Variants in THOC5 observed in about 807,000 individuals in gnomAD.
THOC5 encodes the protein Fms-interacting protein.
THOC5 carries 43 observed loss-of-function variants against 92.9 expected under a neutral mutation model. The observed-to-expected ratio is 0.46, with a 90% CI of 0.36 to 0.60. THOC5 has a LOEUF of 0.60. Among genes scored for constraint, THOC5 ranks in the 20% least tolerant of loss-of-function variants. The probability of loss-of-function intolerance (pLI) is 0.00; values close to 1 mark genes in which losing one functional copy is unlikely to be tolerated. For synonymous variants in THOC5, 296 were observed against 320.1 expected (o/e 0.92, Z 0.80); for missense variants, 659 against 849.4 (o/e 0.78, Z 2.79).
rs765796771 is a variant in THOC5, at chr22:29,531,918, C to T, written c.760G>A (p.Ala254Thr). The stretch of plus-strand genomic sequence containing the variant: ...CTGGCTGTCTCATACTGCTTGTGAG[C>T]CTGGTCGAATGGCATAAACAGGTAC... ...QEYLFMPFDQ[A>T]HKQYETARHL... The change falls in exon 8 of 20, where the codon GCT becomes ACT. Residue 254 changes from alanine (A) to threonine (T), a missense_variant. Transcript: ENST00000490103. The T allele has an allele frequency of 3.7e-6, 6 of 1,614,070 alleles. No homozygotes were observed. The East Asian group carries it at 1.1e-4, about 30-fold the overall frequency.
At position 29,507,049 on chromosome 22, in the gene THOC5, T is replaced by C. The variant is rs2063146765; in HGVS notation, c.*1408A>G. 1 of 152,186 alleles carries C rather than the reference T, an allele frequency of 6.6e-6. No individual in the cohort carries two copies. Among genetic ancestry groups the C allele is most frequent in the African/African-American group, 2.4e-5 (1 of 41,432 alleles). 9.4% of individuals were successfully genotyped at this position (152,186 alleles called of 1,614,324 possible). On this transcript the variant is annotated 3_prime_UTR_variant, in exon 20 of 20. Coordinates refer to ENST00000490103, the MANE Select transcript of THOC5 (RefSeq NM_003678.5). ...ACACCTGGCTGATTTTTAAATTTTTTGTAGATACAGGGTCTCTCACTACGT... is the reference window on the plus strand; with the variant it reads ...ACACCTGGCTGATTTTTAAATTTTTCGTAGATACAGGGTCTCTCACTACGT...
At position 29,549,166 on chromosome 22, in the gene THOC5, G is replaced by C. The variant is rs753866616; in HGVS notation, c.-11-8C>G. 6.2e-7 allele frequency: 1 copy of C among 1,613,290 alleles called. No individual in the cohort carries two copies. The highest frequency in any genetic ancestry group is 2.2e-5 in the East Asian group (1 of 44,864). On this transcript the variant is annotated splice_region_variant and splice_polypyrimidine_tract_variant and intron_variant, in intron 1 of 19. Coordinates refer to ENST00000490103, the MANE Select transcript of THOC5 (RefSeq NM_003678.5). ...ATGACATGGTTGTTCCTCCTGTTAA[G>C]AGGAGAAAGTTTTTGAGATTCTTCT...
At position 29,549,043 on chromosome 22, in the gene THOC5, T is replaced by C; in HGVS notation, c.96+9A>G. 3 of 1,613,634 alleles carry C rather than the reference T, an allele frequency of 1.9e-6. No individual in the cohort carries two copies. The highest frequency in any genetic ancestry group is 1.7e-4 in the Middle Eastern group (1 of 6,054). On this transcript the variant is annotated intron_variant, in intron 2 of 19. Transcript: ENST00000490103. Reference sequence around the variant, plus strand: ...TTCTCAGCAGCATGGCAACCCTGACTGATCTCACCTGCTCGGTGTCAGATC... The same window carrying C: ...TTCTCAGCAGCATGGCAACCCTGACCGATCTCACCTGCTCGGTGTCAGATC...
intron 2 of THOC5, among the ~76,000 whole-genome samples, chr22:29,545,669 C>G (rs1436875736): frequency 1.3e-5 from 2 of 152,232 alleles, no homozygotes; most frequent in African/African-American, 4.8e-5. Context: ...GGTCTCACAT[C>G]CAGGTCAAGC....
intron 5 of THOC5, among the ~76,000 whole-genome samples, chr22:29,542,178 T>C (rs1278264857): frequency 6.6e-6 from 1 of 151,974 alleles, no homozygotes; most frequent in Non-Finnish European, 1.5e-5. Flanking sequence ...AGAAATGAAC[T>C]GCTGGGACTA....
At chr22:29,545,004 G>T in intron 2 of THOC5, 1 of 378,736 alleles carries the variant, frequency 2.6e-6, no homozygotes, top group Non-Finnish European at 5.1e-6. Flanking sequence ...CCATTTTCAC[G>T]CTGCCAATAA....
At chr22:29,548,733 C>T (rs1356785603) in intron 2 of THOC5, among the ~76,000 whole-genome samples, 1 of 152,182 alleles carries the variant, frequency 6.6e-6, no homozygotes, top group Non-Finnish European at 1.5e-5. Flanking sequence ...ATTCCTGAAG[C>T]TCCAGTGCCA....
Position 29,519,006 on chromosome 22 carries a change from C to T in THOC5, c.1489G>A (p.Glu497Lys). The change falls in exon 15 of 20, where the codon GAA (glutamate) becomes AAA (lysine). Residue 497 changes from glutamate to lysine, a missense_variant and splice_region_variant. Glu to Lys is a moderately conservative substitution (Grantham distance 56). Transcript: ENST00000490103. ...LALHKQFASLEHGIVPVTSDC... is the reference protein window; with the variant it reads ...LALHKQFASLKHGIVPVTSDC... ...AACCACTGCCCCATCATCAGCTTAC[C>T]TAGGGATGCAAACTGTTTGTGGAGG... 6.3e-7 allele frequency: 1 copy of T among 1,592,828 alleles called. No individual in the cohort carries two copies. Among genetic ancestry groups the T allele is most frequent in the Non-Finnish European group, 8.6e-7 (1 of 1,167,010 alleles).
intron 17 of THOC5, among the ~76,000 whole-genome samples, chr22:29,514,535 C>T (rs1489204402): frequency 2.0e-5 from 3 of 151,272 alleles, no homozygotes; most frequent in Non-Finnish European, 4.4e-5. Flanking sequence ...CCAGGATGGT[C>T]TCCATCTCCT....
intron 7 of THOC5, among the ~76,000 whole-genome samples, chr22:29,534,245 G>A (rs2063710068): frequency 6.6e-6 from 1 of 152,166 alleles, no homozygotes; most frequent in African/African-American, 2.4e-5. Flanking sequence ...ATGATGTTAA[G>A]ATGTCAAGAT....
chr22:29,540,597 A>C (rs1358026696), intron 5 of THOC5, among the ~76,000 whole-genome samples: 3 of 152,154 alleles, frequency 2.0e-5, no homozygotes, highest in Admixed American at 6.6e-5. Flanking sequence ...CGCAAGTTCC[A>C]CTGTATTCTG....
chr22:29,530,442 C>T (rs910099264), intron 8 of THOC5, among the ~76,000 whole-genome samples: 2 of 151,300 alleles, frequency 1.3e-5, no homozygotes, highest in Non-Finnish European at 2.9e-5. Flanking sequence ...ATTGCTTGAA[C>T]CTGGGAAGCA....
In THOC5 at chr22:29,543,517, A is replaced by G; in HGVS notation, c.266T>C (p.Ile89Thr). 1 of 1,613,966 alleles carries G rather than the reference A, an allele frequency of 6.2e-7. No individual in the cohort carries two copies. Among genetic ancestry groups the G allele is most frequent in the Middle Eastern group, 1.6e-4 (1 of 6,062 alleles). The change falls in exon 4 of 20, where the codon ATC becomes ACC. Residue 89 changes from isoleucine to threonine, a missense_variant. Ile to Thr is a moderately conservative substitution (Grantham distance 89). Transcript: ENST00000490103. ...DVAIEIEERR[I>T]QSCVHFMTLK... ...AGTCATGAAATGCACACAGCTCTGGATCCTCCGTTCTTCTATTTCTATTGC... is the reference window on the plus strand; with the variant it reads ...AGTCATGAAATGCACACAGCTCTGGGTCCTCCGTTCTTCTATTTCTATTGC...
At chr22:29,549,263 T>C in intron 1 of THOC5, 105 bp from the exon 2 acceptor site, 4 of 942,936 alleles carry the variant, frequency 4.2e-6, no homozygotes, top group Non-Finnish European at 6.6e-6. Context: ...GAAAGTCATT[T>C]AACCCCTCAA....
intron 5 of THOC5, among the ~76,000 whole-genome samples, chr22:29,541,493 T>TG (rs2063879997): frequency 8.6e-6 from 1 of 116,036 alleles, no homozygotes; most frequent in Non-Finnish European, 1.7e-5. Flanking sequence ...GTGACAGGAG[T>TG]GAGACCCTGT....
At chr22:29,531,592 G>T in intron 8 of THOC5, 1 of 1,249,812 alleles carries the variant, frequency 8.0e-7, no homozygotes. Flanking sequence ...GAGCTGTCCA[G>T]CCAGGCTCAC....
chr22:29,516,163 AG>A (rs1306388917), intron 17 of THOC5, among the ~76,000 whole-genome samples: 1 of 140,548 alleles, frequency 7.1e-6, no homozygotes, highest in East Asian at 2.4e-4. Flanking sequence ...AAAAAAAAAA[AG>A]GGTGTAGCGG....
At chr22:29,514,574 C>T (rs1176780734) in intron 17 of THOC5, among the ~76,000 whole-genome samples, 1 of 151,682 alleles carries the variant, frequency 6.6e-6, no homozygotes, top group Non-Finnish European at 1.5e-5. Context: ...CCTCGGCTTC[C>T]CAAAGTGCTG....
In THOC5 at chr22:29,508,263, C is replaced by T; in HGVS notation, c.*194G>A. On this transcript the variant is annotated 3_prime_UTR_variant, in exon 20 of 20. Transcript: ENST00000490103. ...ACAAATGCTTTTTCACACTGTGTCA[C>T]AGCTCCCACCTGCCCTTCCAGACTG... 1.7e-6 allele frequency: 1 copy of T among 602,586 alleles called. No homozygotes were observed. Among genetic ancestry groups the T allele is most frequent in the African/African-American group, 1.9e-5 (1 of 53,846 alleles). The allele number at this position is 602,586 out of a possible 1,614,324, so 37.3% of individuals were successfully genotyped here.
Sources: gnomAD v4.1 joint callset for allele counts (sites outside exome capture counted in the v4.1 genomes callset) on GRCh38, gnomAD v4.1.1 for gene constraint, MANE v1.5 for transcripts, NCBI Gene and HGNC (gene_info 2026-07-23, HGNC 2026-07-21) for gene names.